The following NBAS variants were observed in gnomAD, a reference collection of about 807,000 sequenced individuals.
NBAS encodes NAG/BC035112 fusion.
NBAS carries 219 observed loss-of-function variants against 302.5 expected under a neutral mutation model. The observed-to-expected ratio is 0.72, with a 90% confidence interval of 0.65 to 0.81. The LOEUF (loss-of-function observed/expected upper bound fraction) is 0.81, where lower values mean the gene tolerates loss of function less well. Among genes scored for constraint, NBAS ranks in the 30% least tolerant of loss-of-function variants. NBAS has a pLI of 0.00. For synonymous variants in NBAS, 1,118 were observed against 1,021.6 expected (o/e 1.09, Z -1.80); for missense variants, 2,932 against 2,841.6 (o/e 1.03, Z -0.72).
chr2:15,015,459 C>T, the NBAS span, among the ~76,000 whole-genome samples: 1 of 152,086 alleles, frequency 6.6e-6, no homozygotes, highest in Non-Finnish European at 1.5e-5. Context: ...GGGGTTTATC[C>T]CAGGCATGCA....
intron 42 of NBAS, among the ~76,000 whole-genome samples, chr2:15,281,601 A>C (rs771521649): frequency 2.0e-5 from 3 of 152,194 alleles, no homozygotes; most frequent in Non-Finnish European, 2.9e-5. Flanking sequence ...TCAATCTCAC[A>C]GCAGTTCTGC....
intron 6 of NBAS, among the ~76,000 whole-genome samples, chr2:15,542,852 C>G (rs1381554606): frequency 1.3e-5 from 2 of 152,098 alleles, no homozygotes. Flanking sequence ...TAAACAGATT[C>G]TATGCACTGC....
intron 48 of NBAS, among the ~76,000 whole-genome samples, chr2:15,203,660 C>A (rs1252199060): frequency 2.0e-5 from 3 of 152,072 alleles, no homozygotes; most frequent in Non-Finnish European, 4.4e-5. Flanking sequence ...CATGTCCATA[C>A]TTCAAAATAC....
At chr2:14,898,586 A>G in the NBAS span, among the ~76,000 whole-genome samples, 6 of 152,200 alleles carry the variant, frequency 3.9e-5, no homozygotes, top group Non-Finnish European at 8.8e-5. Flanking sequence ...AGTGGGAGAT[A>G]ACTGAATCCT....
chr2:15,092,266 T>C, the NBAS span, among the ~76,000 whole-genome samples: 12 of 152,208 alleles, frequency 7.9e-5, no homozygotes, highest in Admixed American at 1.3e-4. Flanking sequence ...CCAGTTTCCA[T>C]TGTTGAACTG....
At chr2:15,259,999 A>G (rs950431353) in intron 44 of NBAS, among the ~76,000 whole-genome samples, 3 of 152,322 alleles carry the variant, frequency 2.0e-5, no homozygotes, top group Admixed American at 6.5e-5. Context: ...AGGAAAAGGA[A>G]AGATGCAACC....
chr2:15,207,460 TG>T (rs1666200023), intron 48 of NBAS, among the ~76,000 whole-genome samples: 1 of 152,166 alleles, frequency 6.6e-6, no homozygotes, highest in Non-Finnish European at 1.5e-5. Context: ...GTTAAGACTT[TG>T]GGGGACTACT....
chr2:15,410,491 T>TC (rs1459041323), intron 25 of NBAS, among the ~76,000 whole-genome samples: 1 of 152,222 alleles, frequency 6.6e-6, no homozygotes, highest in African/African-American at 2.4e-5. Context: ...TCCCTTTTTT[T>TC]CTTCAAAGAA....
At chr2:15,331,390 C>A (rs1369153123) in intron 35 of NBAS, among the ~76,000 whole-genome samples, 1 of 152,152 alleles carries the variant, frequency 6.6e-6, no homozygotes, top group Non-Finnish European at 1.5e-5. Context: ...ACATTAATTA[C>A]AGTCTTTTAA....
At position 15,549,978 on chromosome 2, in the gene NBAS, C is replaced by A. The variant is rs991787170; in HGVS notation, c.379+1515G>T. ...GGCTAGCCTGGGCAACAAGGCAAGA[C>A]CCTCGTCTCTACAAAAAATTTTAAA... On this transcript the variant is annotated intron_variant, in intron 6 of 51. Coordinates refer to ENST00000281513, the MANE Select transcript of NBAS (RefSeq NM_015909.4). 4.0e-5 allele frequency among the ~76,000 whole-genome samples: 6 copies of A among 151,862 alleles called. No homozygotes were observed. The East Asian group carries it at 1.2e-3, about 29-fold the overall frequency.
intron 21 of NBAS, among the ~76,000 whole-genome samples, chr2:15,451,856 C>T (rs1471107511): frequency 6.6e-6 from 1 of 152,144 alleles, no homozygotes; most frequent in Non-Finnish European, 1.5e-5. Context: ...AATCTCCCAT[C>T]TCAAACTAGA....
the NBAS span, among the ~76,000 whole-genome samples, chr2:14,865,803 GTTA>G: frequency 2.0e-4 from 19 of 95,056 alleles, 1 homozygote; most frequent in African/African-American, 2.8e-3. Flanking sequence ...CTATGAATCT[GTTA>G]TTGTTATTAT....
chr2:15,232,437 G>A lies in NBAS; in HGVS notation c.6221C>T (p.Ala2074Val). ...VLEGVVAAVH[A>V]SVDKGEELVS... ...CTAGTCTTACCCCTTGTCCACACTGGCGTGGACTGCTGCAACAACACCTTC... is the reference window on the plus strand; with the variant it reads ...CTAGTCTTACCCCTTGTCCACACTGACGTGGACTGCTGCAACAACACCTTC... Residue 2074 changes from alanine (A) to valine (V), a missense_variant, in exon 47 of 52, where the codon GCC (alanine) becomes GTC (valine). Coordinates refer to ENST00000281513, the MANE Select transcript of NBAS (RefSeq NM_015909.4). 1 of 1,614,022 alleles carries A rather than the reference G, an allele frequency of 6.2e-7. No individual in the cohort carries two copies. Among genetic ancestry groups the A allele is most frequent in the Non-Finnish European group, 8.5e-7 (1 of 1,179,994 alleles).
intron 51 of NBAS, 109 bp downstream of exon 51, chr2:15,178,879 A>G: frequency 6.9e-7 from 1 of 1,456,390 alleles, no homozygotes. Context: ...CTATAGATAT[A>G]GTAGTCTTCA....
chr2:14,822,219 C>T, the NBAS span, among the ~76,000 whole-genome samples: 8 of 152,276 alleles, frequency 5.3e-5, no homozygotes, highest in South Asian at 1.7e-3. Flanking sequence ...ATTTGTCCTC[C>T]ATTTTTTTCT....
At chr2:15,384,357 T>C (rs1675185943) in intron 28 of NBAS, among the ~76,000 whole-genome samples, 1 of 152,212 alleles carries the variant, frequency 6.6e-6, no homozygotes, top group Non-Finnish European at 1.5e-5. Context: ...TGATAAACAA[T>C]AAATGAGATT....
intron 12 of NBAS, among the ~76,000 whole-genome samples, chr2:15,480,898 G>C (rs1340990670): frequency 6.6e-6 from 1 of 152,108 alleles, no homozygotes; most frequent in Non-Finnish European, 1.5e-5. Context: ...TTACCATGTT[G>C]TGTGACCATC....
At chr2:15,481,468 C>A (rs980671940) in intron 12 of NBAS, among the ~76,000 whole-genome samples, 1 of 152,138 alleles carries the variant, frequency 6.6e-6, no homozygotes, top group Non-Finnish European at 1.5e-5. Flanking sequence ...ACTGGTGCTC[C>A]GTGGACAGGA....
At chr2:14,960,388 A>G in the NBAS span, among the ~76,000 whole-genome samples, 75 of 152,362 alleles carry the variant, frequency 4.9e-4, no homozygotes, top group Middle Eastern at 3.4e-3. Flanking sequence ...CACTCAATCC[A>G]GAAATGTTCA....
Sources: gnomAD v4.1 joint callset for allele counts (sites outside exome capture counted in the v4.1 genomes callset) on GRCh38, gnomAD v4.1.1 for gene constraint, MANE v1.5 for transcripts, NCBI Gene and HGNC (gene_info 2026-07-23, HGNC 2026-07-21) for gene names.